Variants in MYLK observed in about 807,000 individuals in gnomAD.
MYLK encodes myosin light chain kinase, smooth muscle.
MYLK carries 106 observed loss-of-function variants against 203.4 expected under a neutral mutation model. The observed-to-expected ratio is 0.52, with a 90% CI of 0.45 to 0.61. The LOEUF is 0.61. Among genes scored for constraint, MYLK ranks in the 20% least tolerant of loss-of-function variants. MYLK has a pLI of 0.00. For synonymous variants in MYLK, 867 were observed against 959.5 expected (o/e 0.90, Z 1.78); for missense variants, 2,072 against 2,442.3 (o/e 0.85, Z 3.20).
At chr3:123,733,556 G>A in intron 10 of MYLK, 131 bp downstream of exon 10, 2 of 1,176,942 alleles carry the variant, frequency 1.7e-6, no homozygotes, top group Admixed American at 1.7e-5. Context: ...TTGTAAGGTG[G>A]TTTTCTAGGG....
At chr3:123,872,657 G>A (rs2032878633) in intron 2 of MYLK, among the ~76,000 whole-genome samples, 1 of 152,146 alleles carries the variant, frequency 6.6e-6, no homozygotes, top group Non-Finnish European at 1.5e-5. Flanking sequence ...CAGCCAAATG[G>A]AAGAGATACA....
At position 123,725,933 on chromosome 3, in the gene MYLK, G is replaced by A; in HGVS notation, c.1651+11C>T. On this transcript the variant is annotated intron_variant, in intron 12 of 33. Transcript: ENST00000360304. ...GGATGGGAGCAGAGAGCTGGGGCAG[G>A]GGGAACTCACCATTCAGCAGCCAAG... 9 of 1,613,242 alleles carry A rather than the reference G, an allele frequency of 5.6e-6. No homozygotes were observed. The highest frequency in any genetic ancestry group is 7.6e-6 in the Non-Finnish European group (9 of 1,179,428).
chr3:123,770,357 T>C (rs1191213396), intron 4 of MYLK, among the ~76,000 whole-genome samples: 1 of 152,130 alleles, frequency 6.6e-6, no homozygotes, highest in African/African-American at 2.4e-5. Flanking sequence ...CGAATCAAGA[T>C]ATATTAGGAG....
At chr3:123,671,878 T>A (rs1166605907) in intron 20 of MYLK, among the ~76,000 whole-genome samples, 1 of 152,044 alleles carries the variant, frequency 6.6e-6, no homozygotes, top group Non-Finnish European at 1.5e-5. Flanking sequence ...ACAAAGGCCC[T>A]GCCCCTCTTT....
chr3:123,813,504 GTCTC>G (rs376497859), intron 3 of MYLK, among the ~76,000 whole-genome samples: 2 of 150,362 alleles, frequency 1.3e-5, no homozygotes, highest in East Asian at 1.9e-4. Context: ...TTAATTCACT[GTCTC>G]TCTCTCTCTT....
At chr3:123,846,388 A>G (rs1027876677) in intron 2 of MYLK, among the ~76,000 whole-genome samples, 4 of 152,152 alleles carry the variant, frequency 2.6e-5, no homozygotes, top group African/African-American at 7.2e-5. Context: ...CTTTCATTCA[A>G]TGTTGTTTTT....
intron 11 of MYLK, among the ~76,000 whole-genome samples, chr3:123,726,506 C>T (rs975660730): frequency 6.6e-6 from 1 of 152,114 alleles, no homozygotes; most frequent in East Asian, 1.9e-4. Context: ...TTGTGAGTAT[C>T]TCTTTACTTG....
chr3:123,675,431 A>G (rs1396359021), intron 20 of MYLK, among the ~76,000 whole-genome samples: 1 of 152,210 alleles, frequency 6.6e-6, no homozygotes, highest in Non-Finnish European at 1.5e-5. Flanking sequence ...GTCTGAAGGC[A>G]CCTGAATGCC....
intron 5 of MYLK, among the ~76,000 whole-genome samples, chr3:123,747,909 C>A (rs1324108316): frequency 6.6e-6 from 1 of 152,172 alleles, no homozygotes; most frequent in Non-Finnish European, 1.5e-5. Flanking sequence ...GCACACCCAC[C>A]GTTTGGGCAC....
intron 7 of MYLK, 112 bp from the exon 8 acceptor site, chr3:123,737,655 G>T: frequency 7.2e-7 from 1 of 1,388,674 alleles, no homozygotes; most frequent in East Asian, 2.3e-5. Context: ...GGGCAGCAGC[G>T]TCCTCTGCTG....
chr3:123,712,084 C>T (rs748416741), intron 13 of MYLK, among the ~76,000 whole-genome samples: 6 of 152,204 alleles, frequency 3.9e-5, no homozygotes, highest in African/African-American at 7.2e-5. Context: ...TAACCCCCCA[C>T]GGTCCCCTTG....
At chr3:123,690,331 T>G (rs1246708851) in intron 19 of MYLK, among the ~76,000 whole-genome samples, 1 of 152,206 alleles carries the variant, frequency 6.6e-6, no homozygotes, top group East Asian at 1.9e-4. Flanking sequence ...TGACTCCTTT[T>G]GAGAATTTGA....
intron 2 of MYLK, among the ~76,000 whole-genome samples, chr3:123,866,179 T>A (rs1018380616): frequency 2.6e-5 from 4 of 152,176 alleles, no homozygotes; most frequent in Non-Finnish European, 4.4e-5. Flanking sequence ...AACAAAATGA[T>A]TGTTGTCTTA....
rs753985882 is a variant in MYLK at position 123,700,002 on chromosome 3, ACC to A, written c.3448+16_3448+17del. On this transcript the variant is annotated intron_variant, in intron 18 of 33. Coordinates refer to ENST00000360304, the MANE Select transcript of MYLK (RefSeq NM_053025.4). ...TGGTACAGAGGCCCCTTCTTCCCCA[ACC>A]CCCATGCTCATTTACCTTCCTGGGA... is the stretch of plus-strand genomic sequence containing the variant. 2 of 1,613,590 alleles carry A rather than the reference ACC, an allele frequency of 1.2e-6. No homozygotes were observed. Among genetic ancestry groups the A allele is most frequent in the Non-Finnish European group, 1.7e-6 (2 of 1,179,914 alleles).
intron 22 of MYLK, among the ~76,000 whole-genome samples, chr3:123,664,825 G>T (rs555987042): frequency 1.3e-4 from 20 of 152,276 alleles, no homozygotes; most frequent in African/African-American, 4.6e-4. Flanking sequence ...ATAAGAATGA[G>T]CCCTGAAAAG....
At chr3:123,709,580 C>A (rs554293625) in intron 14 of MYLK, 176 bp downstream of exon 14, 2 of 792,328 alleles carry the variant, frequency 2.5e-6, no homozygotes, top group South Asian at 3.1e-5. Context: ...GAAAATCCTA[C>A]CCAGAGAAGG....
intron 3 of MYLK, among the ~76,000 whole-genome samples, chr3:123,802,798 C>G (rs979821104): frequency 1.3e-5 from 2 of 152,134 alleles, no homozygotes; most frequent in Admixed American, 6.5e-5. Flanking sequence ...GAACCAGAGC[C>G]CTGCTTATAA....
intron 4 of MYLK, among the ~76,000 whole-genome samples, chr3:123,771,864 A>G (rs2108987874): frequency 6.6e-6 from 1 of 152,306 alleles, no homozygotes; most frequent in South Asian, 2.1e-4. Flanking sequence ...TTGAGCACTG[A>G]AAGTGAAAAA....
At chr3:123,735,944 T>C (rs1474845217) in intron 8 of MYLK, among the ~76,000 whole-genome samples, 1 of 152,244 alleles carries the variant, frequency 6.6e-6, no homozygotes, top group Non-Finnish European at 1.5e-5. Flanking sequence ...GCCAGTCTTA[T>C]ATATCCATTT....
Sources: gnomAD v4.1 joint callset for allele counts (sites outside exome capture counted in the v4.1 genomes callset) on GRCh38, gnomAD v4.1.1 for gene constraint, MANE v1.5 for transcripts, NCBI Gene and HGNC (gene_info 2026-07-23, HGNC 2026-07-21) for gene names.